The following ADAMTSL1 variants were observed in gnomAD, a reference collection of about 807,000 sequenced individuals.
ADAMTSL1 encodes the protein ADAMTS-like protein 1.
ADAMTSL1 carries 126 observed loss-of-function variants against 201.8 expected under a neutral mutation model. That is an observed-to-expected ratio of 0.62 (90% CI 0.54 to 0.72). ADAMTSL1 has a LOEUF of 0.72. ADAMTSL1 is among the 30% of genes least tolerant of loss of function. The pLI, the probability that ADAMTSL1 is intolerant of heterozygous loss-of-function variation, is 0.00. For missense variants in ADAMTSL1, 2,679 were observed against 2,277.8 expected, an observed-to-expected ratio of 1.18 and a Z score of -3.59; for synonymous variants, 1,121 against 903.4, an observed-to-expected ratio of 1.24 and a Z score of -4.32.
chr9:18,700,546 G>GT (rs1435140343), intron 13 of ADAMTSL1, among the ~76,000 whole-genome samples: 4 of 152,022 alleles, frequency 2.6e-5, no homozygotes, highest in Admixed American at 6.6e-5. Context: ...TTATCCTAAG[G>GT]TTTTTACTCC....
intron 22 of ADAMTSL1, among the ~76,000 whole-genome samples, chr9:18,829,381 T>A (rs546644585): frequency 6.6e-6 from 1 of 152,292 alleles, no homozygotes; most frequent in East Asian, 1.9e-4. Context: ...AATAAGAAAT[T>A]CCCGTGGTGT....
chr9:18,407,668 G>A (rs935856846), intron 2 of ADAMTSL1, among the ~76,000 whole-genome samples: 2 of 152,174 alleles, frequency 1.3e-5, no homozygotes, highest in Admixed American at 1.3e-4. Flanking sequence ...AAACTTAGAT[G>A]TCTTGATCAT....
intron 2 of ADAMTSL1, among the ~76,000 whole-genome samples, chr9:18,304,627 T>A (rs896152982): frequency 6.6e-6 from 1 of 151,218 alleles, no homozygotes; most frequent in Non-Finnish European, 1.5e-5. Context: ...CTAGACAAGT[T>A]TGGTAGCACA....
At chr9:18,157,185 A>G (rs1400847247) in intron 1 of ADAMTSL1, among the ~76,000 whole-genome samples, 1 of 152,072 alleles carries the variant, frequency 6.6e-6, no homozygotes, top group Admixed American at 6.6e-5. Context: ...TCAATCCCAC[A>G]TTATACACAG....
chr9:17,911,047 G>C (rs1302995085), intron 1 of ADAMTSL1, among the ~76,000 whole-genome samples: 1 of 68,438 alleles, frequency 1.5e-5, no homozygotes, highest in Admixed American at 1.8e-4. Flanking sequence ...AATGATGTTT[G>C]AGCTATATTC....
intron 17 of ADAMTSL1, among the ~76,000 whole-genome samples, chr9:18,771,496 C>A (rs1183623002): frequency 6.6e-6 from 1 of 152,114 alleles, no homozygotes; most frequent in African/African-American, 2.4e-5. Flanking sequence ...TGTTTTCAGC[C>A]ACTACCACTT....
At chr9:18,771,318 T>C (rs781701156) in intron 17 of ADAMTSL1, among the ~76,000 whole-genome samples, 1 of 152,252 alleles carries the variant, frequency 6.6e-6, no homozygotes, top group African/African-American at 2.4e-5. Flanking sequence ...CAAGAGAATT[T>C]GATTTCCCTT....
At chr9:18,431,828 A>G (rs1354655611) in intron 2 of ADAMTSL1, among the ~76,000 whole-genome samples, 4 of 152,166 alleles carry the variant, frequency 2.6e-5, no homozygotes, top group Non-Finnish European at 2.9e-5. Flanking sequence ...AGGACTGAGC[A>G]TGGTACTCAT....
chr9:18,312,664 A>G (rs948314407), intron 2 of ADAMTSL1, among the ~76,000 whole-genome samples: 1 of 152,120 alleles, frequency 6.6e-6, no homozygotes. Context: ...GTAAGCTGGG[A>G]ACCAATTTTT....
chr9:18,406,512 G>C (rs139741271), intron 2 of ADAMTSL1, among the ~76,000 whole-genome samples: 1 of 151,548 alleles, frequency 6.6e-6, no homozygotes, highest in Non-Finnish European at 1.5e-5. Flanking sequence ...TGTATTTTTC[G>C]TAGAGACAGG....
chr9:18,706,899 G>A lies in ADAMTSL1; in HGVS notation c.1727G>A (p.Arg576His), dbSNP rs548970910. The change falls in exon 14 of 29, where the codon CGT (arginine) becomes CAT (histidine). Residue 576 changes from arginine to histidine, a missense_variant. Arg to His is a conservative substitution (Grantham distance 29). Coordinates refer to ENST00000380548, the MANE Select transcript of ADAMTSL1 (RefSeq NM_001040272.6). ...GAAGGGCCCAAGCCAGCATCCCAGC[G>A]TGCCTGTTATGCAGGCCCATGCAGC... is the stretch of plus-strand genomic sequence containing the variant. ...ECEGPKPASQ[R>H]ACYAGPCSGE... The A allele has an allele frequency of 2.3e-5, 37 of 1,613,954 alleles. No individual in the cohort carries two copies. The highest frequency in any genetic ancestry group is 1.6e-4 in the Middle Eastern group (1 of 6,062).
intron 14 of ADAMTSL1, among the ~76,000 whole-genome samples, chr9:18,708,682 T>G (rs1486156863): frequency 6.6e-6 from 1 of 152,172 alleles, no homozygotes; most frequent in Non-Finnish European, 1.5e-5. Context: ...CCAATTTCCA[T>G]GATCACCTGA....
At chr9:18,891,735 A>G (rs1224614186) in intron 25 of ADAMTSL1, among the ~76,000 whole-genome samples, 1 of 152,216 alleles carries the variant, frequency 6.6e-6, no homozygotes, top group African/African-American at 2.4e-5. Flanking sequence ...ACCGAGCACT[A>G]CCAGACAAAA....
chr9:18,353,103 G>A (rs1836048584), intron 2 of ADAMTSL1, among the ~76,000 whole-genome samples: 1 of 152,188 alleles, frequency 6.6e-6, no homozygotes, highest in Non-Finnish European at 1.5e-5. Context: ...ACTATGCATG[G>A]CTGTGCTTGA....
intron 1 of ADAMTSL1, among the ~76,000 whole-genome samples, chr9:18,098,351 C>G (rs1056914028): frequency 3.3e-5 from 5 of 152,050 alleles, no homozygotes; most frequent in Admixed American, 3.3e-4. Context: ...GAAATTTTAA[C>G]AATTTTGGAT....
chr9:18,739,721 C>T (rs112057635), intron 15 of ADAMTSL1, among the ~76,000 whole-genome samples: 1 of 152,080 alleles, frequency 6.6e-6, no homozygotes, highest in Admixed American at 6.5e-5. Flanking sequence ...ACGTCAACAC[C>T]CTTTAGGGCT....
intron 2 of ADAMTSL1, among the ~76,000 whole-genome samples, chr9:18,281,558 G>A (rs1302970902): frequency 6.6e-6 from 1 of 152,190 alleles, no homozygotes; most frequent in Non-Finnish European, 1.5e-5. Flanking sequence ...CTGGGCTCAA[G>A]AAACACAAAA....
At chr9:18,901,074 A>C (rs1421535217) in intron 26 of ADAMTSL1, among the ~76,000 whole-genome samples, 3 of 152,042 alleles carry the variant, frequency 2.0e-5, no homozygotes, top group African/African-American at 7.2e-5. Flanking sequence ...AGGCCTCACC[A>C]CAAGCAGTTG....
chr9:18,081,634 T>C (rs1369627042), intron 1 of ADAMTSL1, among the ~76,000 whole-genome samples: 1 of 152,186 alleles, frequency 6.6e-6, no homozygotes, highest in East Asian at 1.9e-4. Flanking sequence ...TTAAAGAAAC[T>C]GAAATCAGGA....
Sources: allele counts gnomAD v4.1 joint callset (sites outside exome capture counted in the v4.1 genomes callset), GRCh38; gene constraint gnomAD v4.1.1; transcripts MANE v1.5; gene names NCBI Gene and HGNC (gene_info 2026-07-23, HGNC 2026-07-21).